Variants in FLNB observed in about 807,000 individuals in gnomAD.
The protein encoded by FLNB is filamin B, also known as filamin-B.
In FLNB, 111 loss-of-function variants were observed where a neutral mutation model predicts 250.6. The ratio of observed to expected loss-of-function variants is 0.44; its 90% CI spans 0.38 to 0.52. The LOEUF (loss-of-function observed/expected upper bound fraction) is 0.52, where lower values mean the gene tolerates loss of function less well. FLNB is among the 20% of genes least tolerant of loss of function. FLNB has a pLI of 0.00. For synonymous variants in FLNB, 1,302 were observed against 1,372.1 expected (o/e 0.95, Z 1.13); for missense variants, 2,869 against 3,447.8 (o/e 0.83, Z 4.20).
intron 26 of FLNB, among the ~76,000 whole-genome samples, chr3:58,134,293 T>C (rs955219289): frequency 2.6e-5 from 4 of 152,166 alleles, no homozygotes. Flanking sequence ...AACTAGTGCC[T>C]GATGATCTGA....
chr3:58,024,701 CTTTTTTTTTT>C (rs1174805764), intron 1 of FLNB, among the ~76,000 whole-genome samples: 1 of 83,766 alleles, frequency 1.2e-5, no homozygotes, highest in African/African-American at 4.5e-5. Flanking sequence ...GCCAAGCCTC[CTTTTTTTTTT>C]TTTTTTTTTT....
chr3:58,059,910 G>A (rs180907802), intron 1 of FLNB, among the ~76,000 whole-genome samples: 68 of 152,316 alleles, frequency 4.5e-4, no homozygotes, highest in African/African-American at 1.6e-3. Flanking sequence ...GGGTGAAATA[G>A]CCAACAGTGG....
At chr3:58,090,148 CTTT>C (rs61103936) in intron 4 of FLNB, among the ~76,000 whole-genome samples, 1 of 146,940 alleles carries the variant, frequency 6.8e-6, no homozygotes, top group Non-Finnish European at 1.5e-5. Context: ...ACTTTTAAAA[CTTT>C]TTTTTTTTTT....
At chr3:58,160,670 G>C (rs1173598675) in intron 42 of FLNB, among the ~76,000 whole-genome samples, 1 of 152,172 alleles carries the variant, frequency 6.6e-6, no homozygotes, top group Admixed American at 6.5e-5. Context: ...TTTGTTGTGT[G>C]CCTGGCTGTA....
intron 12 of FLNB, among the ~76,000 whole-genome samples, chr3:58,108,023 G>T (rs779613597): frequency 1.3e-5 from 2 of 152,150 alleles, no homozygotes; most frequent in Non-Finnish European, 2.9e-5. Flanking sequence ...TTTAGAACAG[G>T]GGTTTCCAAT....
At chr3:58,027,629 C>A (rs1241605388) in intron 1 of FLNB, among the ~76,000 whole-genome samples, 1 of 152,174 alleles carries the variant, frequency 6.6e-6, no homozygotes, top group Non-Finnish European at 1.5e-5. Flanking sequence ...TCACTGGGGC[C>A]CTCGCCTGAA....
chr3:58,051,249 A>G (rs1254809901), intron 1 of FLNB, among the ~76,000 whole-genome samples: 1 of 152,202 alleles, frequency 6.6e-6, no homozygotes, highest in Non-Finnish European at 1.5e-5. Context: ...TACAGAAGAA[A>G]AAGGGAGACG....
At chr3:58,038,068 TG>T (rs1490998892) in intron 1 of FLNB, among the ~76,000 whole-genome samples, 1 of 152,214 alleles carries the variant, frequency 6.6e-6, no homozygotes, top group African/African-American at 2.4e-5. Flanking sequence ...TCGCTCTTGT[TG>T]CCCAGGCTAG....
intron 24 of FLNB, among the ~76,000 whole-genome samples, chr3:58,126,999 A>T (rs2097299099): frequency 6.6e-6 from 1 of 152,160 alleles, no homozygotes; most frequent in African/African-American, 2.4e-5. Context: ...GTGTTGGAGG[A>T]CCTAGTTCTT....
At chr3:58,128,093 G>A (rs1048615116) in intron 24 of FLNB, among the ~76,000 whole-genome samples, 6 of 152,184 alleles carry the variant, frequency 3.9e-5, no homozygotes, top group Admixed American at 2.0e-4. Flanking sequence ...CCTCAGCGGG[G>A]TCTTGTTCTT....
chr3:58,128,352 AAAC>A (rs2097301267), intron 24 of FLNB, among the ~76,000 whole-genome samples: 1 of 152,218 alleles, frequency 6.6e-6, no homozygotes, highest in African/African-American at 2.4e-5. Context: ...AAGTCATTTA[AAAC>A]AACATGTTTC....
In FLNB at chr3:58,164,360, A is replaced by G. The variant is rs1182449790; in HGVS notation, c.7198+1030A>G. 1 of 152,348 alleles carries G rather than the reference A, an allele frequency of 6.6e-6. No individual in the cohort carries two copies. The highest frequency in any genetic ancestry group is 2.4e-5 in the African/African-American group (1 of 41,454). The allele number at this position is 152,348 out of a possible 1,614,324, so 9.4% of individuals were successfully genotyped here. On this transcript the variant is annotated intron_variant, in intron 43 of 45. Coordinates refer to ENST00000295956, the MANE Select transcript of FLNB (RefSeq NM_001457.4). The surrounding 1 kb of genome is among the most constrained non-coding windows in gnomAD (Gnocchi z 4.0). ...CTTAGTCTTTGCAGGGGAAGTGCGC[A>G]GTGTGGACTCACTGGGGCATGTTTG...
chr3:58,081,835 T>C, intron 4 of FLNB, 59 bp downstream of exon 4: 1 of 1,577,394 alleles, frequency 6.3e-7, no homozygotes, highest in Non-Finnish European at 8.7e-7. Context: ...TGGAGATGAT[T>C]TCATGGCTTC....
chr3:58,136,107 A>G lies in FLNB; in HGVS notation c.4800A>G (p.Pro1600=), dbSNP rs374703764. The stretch of plus-strand genomic sequence containing the variant: ...TCACCTACGGGGGTGACGACATCCC[A>G]CTTTCTCCTTATCGCATCCGAGCCA... The part of the protein sequence containing the change: ...IGVTYGGDDI[P]LSPYRIRATQ... Residue 1600 remains proline, a synonymous_variant, in exon 28 of 46, where the codon CCA becomes CCG. Coordinates refer to ENST00000295956, the MANE Select transcript of FLNB (RefSeq NM_001457.4). The G allele has an allele frequency of 6.2e-7, 1 of 1,614,158 alleles. No homozygotes were observed. Among genetic ancestry groups the G allele is most frequent in the Non-Finnish European group, 8.5e-7 (1 of 1,180,028 alleles).
intron 24 of FLNB, among the ~76,000 whole-genome samples, chr3:58,127,336 A>G (rs11718801): frequency 0.21 from 31,664 of 151,880 alleles, 4,228 homozygotes; most frequent in Middle Eastern, 0.35. Context: ...AAAAAAAAAA[A>G]AAAAGAAAAA....
Position 58,106,873 on chromosome 3 carries a change from G to T in FLNB, c.1941G>T (p.Leu647=). ...CCACGGGAGGCTACAACCCTGATCTGGTGAATCAGCTGCTGTGCTTCTGTC... is the reference window on the plus strand; with the variant it reads ...CCACGGGAGGCTACAACCCTGATCTTGTGAATCAGCTGCTGTGCTTCTGTC... ...HPATGGYNPD[L]VRAYGPGLEK... is the part of the protein sequence containing the mutation. The change falls in exon 12 of 46, where the codon CTG becomes CTT. Residue 647 remains leucine (L), a splice_region_variant and synonymous_variant. Coordinates refer to ENST00000295956, the MANE Select transcript of FLNB (RefSeq NM_001457.4). 6.2e-7 allele frequency: 1 copy of T among 1,612,896 alleles called. No homozygotes were observed. Among genetic ancestry groups the T allele is most frequent in the Non-Finnish European group, 8.5e-7 (1 of 1,179,518 alleles).
At position 58,142,798 on chromosome 3, in the gene FLNB, G is replaced by A. The variant is rs770334673; in HGVS notation, c.5284+46G>A. On this transcript the variant is annotated intron_variant, in intron 31 of 45. Coordinates refer to ENST00000295956, the MANE Select transcript of FLNB (RefSeq NM_001457.4). This position sits in a 1 kb window ranked among gnomAD's most constrained non-coding sequence, Gnocchi z 4.3. ...CCGTCTCATTCTCACTTGCTCTCACGAGCTTCCCAGAATGGTGCTGGGGAG... is the reference window on the plus strand; with the variant it reads ...CCGTCTCATTCTCACTTGCTCTCACAAGCTTCCCAGAATGGTGCTGGGGAG... 62 of 1,529,574 alleles carry A rather than the reference G, an allele frequency of 4.1e-5. No individual in the cohort carries two copies. Among genetic ancestry groups the A allele is most frequent in the African/African-American group, 1.5e-4 (11 of 73,342 alleles). The allele number at this position is 1,529,574 out of a possible 1,614,324, so 94.8% of individuals were successfully genotyped here. A position where few individuals can be genotyped will look rare whatever the true frequency, so the allele number is the denominator to read the frequency against.
chr3:58,024,701 CTTT>C (rs1174805764), intron 1 of FLNB, among the ~76,000 whole-genome samples: 2 of 83,762 alleles, frequency 2.4e-5, no homozygotes, highest in Admixed American at 1.4e-4. Context: ...GCCAAGCCTC[CTTT>C]TTTTTTTTTT....
At chr3:58,131,322 G>C (rs1402244114) in intron 25 of FLNB, among the ~76,000 whole-genome samples, 1 of 152,188 alleles carries the variant, frequency 6.6e-6, no homozygotes, top group Non-Finnish European at 1.5e-5. Flanking sequence ...GGGAATGCCA[G>C]GCACATGATG....
Sources: allele counts gnomAD v4.1 joint callset (sites outside exome capture counted in the v4.1 genomes callset), GRCh38; gene constraint gnomAD v4.1.1; non-coding constraint Gnocchi (gnomAD v3.1); transcripts MANE v1.5; gene names NCBI Gene and HGNC (gene_info 2026-07-23, HGNC 2026-07-21).